FGF14: variants seen among roughly 807,000 people sequenced by gnomAD.
FGF14 encodes the protein fibroblast growth factor 14.
FGF14 carries 5 observed loss-of-function variants against 25.5 expected under a neutral mutation model. The observed-to-expected ratio is 0.20, with a 90% CI of 0.10 to 0.41. The LOEUF is 0.41. Ranked by LOEUF, FGF14 falls within the 10% of genes least tolerant of loss-of-function variation. FGF14 has a pLI of 1.00. For missense variants in FGF14, 222 were observed against 320.1 expected, an observed-to-expected ratio of 0.69 and a Z score of 2.34; for synonymous variants, 138 against 118.3, an observed-to-expected ratio of 1.17 and a Z score of -1.08.
chr13:101,987,141 A>G (rs1041661914), intron 1 of FGF14, among the ~76,000 whole-genome samples: 4 of 151,946 alleles, frequency 2.6e-5, no homozygotes, highest in African/African-American at 4.8e-5. Context: ...TCTAATCTCT[A>G]CTTAGTATCT....
At chr13:102,299,281 T>C (rs765374131) in intron 1 of FGF14, among the ~76,000 whole-genome samples, 1 of 147,610 alleles carries the variant, frequency 6.8e-6, no homozygotes, top group Non-Finnish European at 1.5e-5. Context: ...TTTGGAGAAG[T>C]GATTTTTTTA....
intron 1 of FGF14, among the ~76,000 whole-genome samples, chr13:101,923,563 G>A (rs2034155524): frequency 6.6e-6 from 1 of 152,028 alleles, no homozygotes; most frequent in Non-Finnish European, 1.5e-5. Flanking sequence ...GCTCATTACA[G>A]TTTAAGTTCA....
chr13:102,197,239 TGG>T (rs1236710632), intron 1 of FGF14, among the ~76,000 whole-genome samples: 1 of 152,118 alleles, frequency 6.6e-6, no homozygotes, highest in African/African-American at 2.4e-5. Context: ...CCTTCTAAAG[TGG>T]ATATCAAGTC....
At chr13:101,782,065 C>T (rs898408632) in intron 3 of FGF14, among the ~76,000 whole-genome samples, 3 of 152,020 alleles carry the variant, frequency 2.0e-5, no homozygotes, top group African/African-American at 7.2e-5. Flanking sequence ...TATGACTGAC[C>T]TTCAGTTTGA....
intron 3 of FGF14, among the ~76,000 whole-genome samples, chr13:101,754,635 G>A (rs181361352): frequency 2.0e-5 from 3 of 151,852 alleles, no homozygotes; most frequent in Admixed American, 6.6e-5. Context: ...AGGCTGAGGC[G>A]GGAGAATTGC....
chr13:102,396,059 T>C (rs1409417587), intron 1 of FGF14, among the ~76,000 whole-genome samples: 3 of 152,186 alleles, frequency 2.0e-5, no homozygotes, highest in Non-Finnish European at 4.4e-5. Context: ...GAAGTCTCCC[T>C]CAGAAAACTC....
intron 1 of FGF14, among the ~76,000 whole-genome samples, chr13:102,369,959 C>G (rs2057828553): frequency 6.6e-6 from 1 of 152,160 alleles, no homozygotes; most frequent in Non-Finnish European, 1.5e-5. Context: ...CTCAGAATTA[C>G]CCAGCATTGA....
chr13:101,905,216 G>A (rs1202175478), intron 1 of FGF14, among the ~76,000 whole-genome samples: 1 of 152,106 alleles, frequency 6.6e-6, no homozygotes. Context: ...TCTCTCAGAG[G>A]ATTATAAATT....
chr13:102,229,126 G>C (rs1303027269), intron 1 of FGF14, among the ~76,000 whole-genome samples: 1 of 152,156 alleles, frequency 6.6e-6, no homozygotes, highest in Admixed American at 6.5e-5. Context: ...AGAAGACCTA[G>C]AAGGAGCCAG....
chr13:102,377,053 C>A (rs1274689772), intron 1 of FGF14, among the ~76,000 whole-genome samples: 1 of 151,714 alleles, frequency 6.6e-6, no homozygotes, highest in Non-Finnish European at 1.5e-5. Context: ...TTGAAAAAGG[C>A]AAATTCAAGC....
At chr13:101,804,418 T>C (rs1274837665) in intron 3 of FGF14, among the ~76,000 whole-genome samples, 1 of 152,116 alleles carries the variant, frequency 6.6e-6, no homozygotes, top group Non-Finnish European at 1.5e-5. Flanking sequence ...GTATTTAGCA[T>C]ACAAAACTCA....
intron 1 of FGF14, among the ~76,000 whole-genome samples, chr13:102,195,098 T>A (rs2049291840): frequency 6.6e-6 from 1 of 152,098 alleles, no homozygotes; most frequent in African/African-American, 2.4e-5. Context: ...ATCTACTCTA[T>A]AAGAAATGCT....
intron 1 of FGF14, among the ~76,000 whole-genome samples, chr13:101,952,120 T>C (rs1194560976): frequency 6.6e-6 from 1 of 152,208 alleles, no homozygotes; most frequent in Non-Finnish European, 1.5e-5. Flanking sequence ...TTTTTCATTT[T>C]GTCTTTGAAA....
intron 1 of FGF14, among the ~76,000 whole-genome samples, chr13:101,985,867 T>C (rs2038546698): frequency 6.6e-6 from 1 of 152,166 alleles, no homozygotes; most frequent in Non-Finnish European, 1.5e-5. Flanking sequence ...AAAAAAAAGT[T>C]CTCAAAATAG....
intron 1 of FGF14, among the ~76,000 whole-genome samples, chr13:101,876,281 A>G (rs929845358): frequency 6.6e-6 from 1 of 152,174 alleles, no homozygotes; most frequent in Non-Finnish European, 1.5e-5. Flanking sequence ...TGGATGTGGG[A>G]CATCATAATC....
chr13:101,739,089 G>GTATATATATATATATATACATGTA (rs1314893000), intron 3 of FGF14, among the ~76,000 whole-genome samples: 2 of 114,784 alleles, frequency 1.7e-5, no homozygotes, highest in African/African-American at 3.2e-5. Context: ...TACTTTAACA[G>GTATATATATATATATATACATGTA]TATATATATA....
chr13:102,145,009 T>C lies in FGF14; in HGVS notation c.208+256462A>G, dbSNP rs576423800. On this transcript the variant is annotated intron_variant, in intron 1 of 4. Transcript: ENST00000376131. Reference sequence around the variant, plus strand: ...TAATTCTTCCGTAATATTTGAAAAATAAATCCCTAAATAAACATCCCTGGA... The same window carrying C: ...TAATTCTTCCGTAATATTTGAAAAACAAATCCCTAAATAAACATCCCTGGA... Among the ~76,000 whole-genome samples the C allele has an allele frequency of 2.6e-5, 4 of 152,274 alleles. No individual in the cohort carries two copies. The South Asian group carries it at 8.3e-4, about 32-fold the overall frequency.
At chr13:101,832,804 T>C (rs2042740524) in intron 3 of FGF14, among the ~76,000 whole-genome samples, 1 of 151,822 alleles carries the variant, frequency 6.6e-6, no homozygotes, top group African/African-American at 2.4e-5. Flanking sequence ...TCGAGAAAGG[T>C]TTTAGGAGTA....
chr13:102,107,721 G>C (rs1418285009), intron 1 of FGF14, among the ~76,000 whole-genome samples: 2 of 152,162 alleles, frequency 1.3e-5, no homozygotes, highest in Non-Finnish European at 2.9e-5. Flanking sequence ...AATTTCTTAA[G>C]ATGGCATGAT....
Sources: gnomAD v4.1 joint callset for allele counts (sites outside exome capture counted in the v4.1 genomes callset) on GRCh38, gnomAD v4.1.1 for gene constraint, MANE v1.5 for transcripts, NCBI Gene and HGNC (gene_info 2026-07-23, HGNC 2026-07-21) for gene names.